HSD17B4: variants seen among roughly 807,000 people sequenced by gnomAD.
HSD17B4 encodes peroxisomal multifunctional enzyme type 2.
Under a neutral mutation model 101.0 loss-of-function variants are expected in HSD17B4, and 70 were observed. The observed-to-expected ratio is 0.69, with a 90% CI of 0.57 to 0.85. HSD17B4 has a LOEUF of 0.85. Ranked by LOEUF, HSD17B4 falls within the 40% of genes least tolerant of loss-of-function variation. The pLI is 0.00. For missense variants in HSD17B4, 984 were observed against 892.4 expected (o/e 1.10, Z -1.31); for synonymous variants, 347 against 297.1 (o/e 1.17, Z -1.73).
chr5:119,521,699 T>C (rs1753125960), intron 17 of HSD17B4, among the ~76,000 whole-genome samples: 1 of 151,968 alleles, frequency 6.6e-6, no homozygotes, highest in Admixed American at 6.5e-5. Flanking sequence ...TGATTTTTTC[T>C]TTCCATTTCT....
chr5:119,480,858 A>G (rs1749063400), intron 8 of HSD17B4, among the ~76,000 whole-genome samples: 1 of 152,192 alleles, frequency 6.6e-6, no homozygotes, highest in Non-Finnish European at 1.5e-5. Flanking sequence ...GGGACGTTCC[A>G]TGCTGAGAAA....
At chr5:119,470,454 G>T (rs1210916290) in intron 2 of HSD17B4, among the ~76,000 whole-genome samples, 1 of 152,160 alleles carries the variant, frequency 6.6e-6, no homozygotes, top group Non-Finnish European at 1.5e-5. Context: ...CTCAGCTTGT[G>T]TTTCTTTTCA....
At chr5:119,537,149 G>A (rs1284498381) in intron 23 of HSD17B4, among the ~76,000 whole-genome samples, 1 of 152,108 alleles carries the variant, frequency 6.6e-6, no homozygotes, top group Non-Finnish European at 1.5e-5. Flanking sequence ...TTCTTAGAAT[G>A]AAGGAGTTCA....
intron 2 of HSD17B4, among the ~76,000 whole-genome samples, chr5:119,470,238 GA>G (rs568468659): frequency 9.5e-4 from 144 of 151,822 alleles, no homozygotes; most frequent in Admixed American, 1.6e-3. Context: ...CTCAGGTGCT[GA>G]GGTCATAGTG....
At chr5:119,532,566 G>GAAATATGT (rs71675919) in intron 22 of HSD17B4, among the ~76,000 whole-genome samples, 6,860 of 152,058 alleles carry the variant, frequency 0.045, 541 homozygotes, top group East Asian at 0.41. Flanking sequence ...TAGTATGAGT[G>GAAATATGT]AAATATGTAA....
intron 1 of HSD17B4, among the ~76,000 whole-genome samples, chr5:119,453,508 CTG>C (rs1754290644): frequency 6.6e-6 from 1 of 152,238 alleles, no homozygotes; most frequent in Non-Finnish European, 1.5e-5. Context: ...TGGGTGACCT[CTG>C]TAACCTCCAA....
At chr5:119,466,005 C>T (rs181740593) in intron 2 of HSD17B4, among the ~76,000 whole-genome samples, 1 of 152,208 alleles carries the variant, frequency 6.6e-6, no homozygotes, top group East Asian at 1.9e-4. Context: ...TCCTTCTGTA[C>T]CTAATTTGTT....
chr5:119,468,068 A>C (rs1204564846), intron 2 of HSD17B4, among the ~76,000 whole-genome samples: 1 of 151,916 alleles, frequency 6.6e-6, no homozygotes, highest in Admixed American at 6.5e-5. Context: ...TCATTTTGTT[A>C]ATTGTTTTCT....
chr5:119,508,062 C>G (rs1300437596), intron 15 of HSD17B4, among the ~76,000 whole-genome samples: 2 of 151,774 alleles, frequency 1.3e-5, no homozygotes, highest in Non-Finnish European at 2.9e-5. Context: ...ATTTTTGATG[C>G]TCTTAAATAT....
At position 119,541,937 on chromosome 5, in the gene HSD17B4, G is replaced by GTT; in HGVS notation, c.2154_2155insTT (p.Asn719LeufsTer5). 1.2e-6 allele frequency: 2 copies of GTT among 1,613,080 alleles called. No individual in the cohort carries two copies. The highest frequency in any genetic ancestry group is 1.7e-6 in the Non-Finnish European group (2 of 1,179,462). The stretch of plus-strand genomic sequence containing the variant: ...TTAGTGGCAGGCTGAAGGCCAGAGG[G>GTT]AACATCATGCTGAGCCAGAAACTTC... On this transcript the variant is annotated frameshift_variant, in exon 24 of 24. Transcript: ENST00000510025. LOFTEE classifies it high-confidence loss of function.
chr5:119,513,109 G>C (rs117791539), intron 16 of HSD17B4, among the ~76,000 whole-genome samples: 6 of 152,080 alleles, frequency 3.9e-5, no homozygotes, highest in Non-Finnish European at 8.8e-5. Flanking sequence ...ACCTTGACAG[G>C]TATTAAATGG....
In HSD17B4 at chr5:119,527,177, T is replaced by G; in HGVS notation, c.1725T>G (p.Thr575=). Residue 575 remains threonine, a synonymous_variant, in exon 20 of 24, where the codon ACT becomes ACG. Coordinates refer to ENST00000510025, the MANE Select transcript of HSD17B4 (RefSeq NM_000414.4). ...TATATCCAGGACAAACTCTACAAAC[T>G]GAGATGTGGAAGGAAGGAAACAGAA... ...KPVYPGQTLQ[T]EMWKEGNRIH... 1 of 1,610,738 alleles carries G rather than the reference T, an allele frequency of 6.2e-7. No individual in the cohort carries two copies. The highest frequency in any genetic ancestry group is 8.5e-7 in the Non-Finnish European group (1 of 1,177,320).
At chr5:119,509,477 A>G (rs1245156286) in intron 16 of HSD17B4, 3 of 663,790 alleles carry the variant, frequency 4.5e-6, no homozygotes, top group South Asian at 1.6e-5. Flanking sequence ...ATGATGATCT[A>G]CTTCCACTTA....
At position 119,506,136 on chromosome 5, in the gene HSD17B4, A is replaced by C. The variant is rs564363761; in HGVS notation, c.1262-682A>C. ...CACACATCAACCCGTCACCTATATTAGGTATTTCTCCTAATGTTATCCCTC... is the reference window on the plus strand; with the variant it reads ...CACACATCAACCCGTCACCTATATTCGGTATTTCTCCTAATGTTATCCCTC... On this transcript the variant is annotated intron_variant, in intron 14 of 23. Transcript: ENST00000510025. 1.1e-3 allele frequency among the ~76,000 whole-genome samples: 169 copies of C among 151,998 alleles called. 1 individual carries two copies. The highest frequency in any genetic ancestry group is 2.0e-3 in the Non-Finnish European group (139 of 68,006).
intron 1 of HSD17B4, among the ~76,000 whole-genome samples, chr5:119,455,395 TAGTCCCAGCTACTCGCG>T (rs1315924654): frequency 1.3e-5 from 2 of 152,070 alleles, no homozygotes; most frequent in Non-Finnish European, 2.9e-5. Context: ...CGGGCGCCTG[TAGTCCCAGCTACTCGCG>T]AGGCTGAGGC....
At chr5:119,467,624 A>G (rs1755941966) in intron 2 of HSD17B4, among the ~76,000 whole-genome samples, 2 of 152,198 alleles carry the variant, frequency 1.3e-5, no homozygotes, top group Admixed American at 1.3e-4. Context: ...CTTAAACAAC[A>G]TAGGTTTGAA....
At chr5:119,459,266 T>C (rs1010610873) in intron 2 of HSD17B4, among the ~76,000 whole-genome samples, 3 of 152,230 alleles carry the variant, frequency 2.0e-5, no homozygotes, top group Non-Finnish European at 4.4e-5. Context: ...CCTCTCTGTT[T>C]ATAGCTGTCT....
At chr5:119,482,738 A>T (rs986067833) in intron 8 of HSD17B4, among the ~76,000 whole-genome samples, 1 of 151,826 alleles carries the variant, frequency 6.6e-6, no homozygotes, top group African/African-American at 2.4e-5. Flanking sequence ...TAGAGTTTGT[A>T]TCTTGCAGCT....
chr5:119,519,584 T>C (rs1226333520), intron 17 of HSD17B4, among the ~76,000 whole-genome samples: 1 of 152,220 alleles, frequency 6.6e-6, no homozygotes, highest in Non-Finnish European at 1.5e-5. Context: ...GTGCTTACTA[T>C]CTGATGGGAT....
Sources: gnomAD v4.1 joint callset for allele counts (sites outside exome capture counted in the v4.1 genomes callset) on GRCh38, gnomAD v4.1.1 for gene constraint, MANE v1.5 for transcripts, NCBI Gene and HGNC (gene_info 2026-07-23, HGNC 2026-07-21) for gene names.